GTF3C5: variants seen among roughly 807,000 people sequenced by gnomAD.
GTF3C5 encodes general transcription factor IIIC subunit 5, also known as general transcription factor 3C polypeptide 5.
A neutral mutation model predicts 61.0 loss-of-function variants in GTF3C5; 47 were observed. The observed-to-expected ratio is 0.77, with a 90% CI of 0.61 to 0.98. The LOEUF (loss-of-function observed/expected upper bound fraction) is 0.98. Ranked by LOEUF, GTF3C5 falls within the 50% of genes least tolerant of loss-of-function variation. The pLI is 0.00. For missense variants in GTF3C5, 659 were observed against 703.3 expected (o/e 0.94, Z 0.71); for synonymous variants, 295 against 275.4 (o/e 1.07, Z -0.71).
At position 133,043,290 on chromosome 9, in the gene GTF3C5, G is replaced by A. The variant is rs74720833; in HGVS notation, c.374-438G>A. Among the ~76,000 whole-genome samples, 459 of 152,310 alleles carry A rather than the reference G, an allele frequency of 3.0e-3. 2 individuals are homozygous for A. Among genetic ancestry groups the A allele is most frequent in the African/African-American group, 0.01 (436 of 41,548 alleles). ...TCATATTTTTCATCGAATTGAACCA[G>A]CATCTTGCTGCTCTGTGTGTGTCTC... On this transcript the variant is annotated intron_variant, in intron 2 of 10. Transcript: ENST00000372097.
At position 133,031,019 on chromosome 9, in the gene GTF3C5, C is replaced by T; in HGVS notation, c.8C>T (p.Ala3Val). The part of the protein sequence containing the change: MA[A>V]EAADLGLGAA... ...CCTGCCAGACGCACAGGGATGGCGG[C>T]GGAGGCGGCCGATTTGGGGCTGGGG... is the stretch of plus-strand genomic sequence containing the variant. The change falls in exon 1 of 11, where the codon GCG becomes GTG. Residue 3 changes from alanine to valine, a missense_variant. By Grantham distance (64) the Ala-to-Val change is moderately conservative (BLOSUM62 0). Transcript: ENST00000372097. 2.5e-6 allele frequency: 4 copies of T among 1,611,874 alleles called. No homozygotes were observed. The highest frequency in any genetic ancestry group is 3.4e-6 in the Non-Finnish European group (4 of 1,179,018).
At chr9:133,030,737 C>T, upstream of GTF3C5, 1 of 567,616 alleles carries the variant, frequency 1.8e-6, no homozygotes, top group South Asian at 2.0e-5. Flanking sequence ...CCCTCGCTGG[C>T]TAGTAGGAGA....
chr9:133,030,836 G>T (rs536084010), upstream of GTF3C5: 30 of 733,472 alleles, frequency 4.1e-5, no homozygotes, highest in South Asian at 4.0e-4. Context: ...GAAGACATGG[G>T]CCCTCCCATG....
At chr9:133,054,586 C>G (rs993746134) in intron 7 of GTF3C5, 98 bp downstream of exon 7, 1 of 1,424,296 alleles carries the variant, frequency 7.0e-7, no homozygotes, top group African/African-American at 1.4e-5. Context: ...GGGGTCACTC[C>G]AGGGCTCTGC....
At chr9:133,030,748 G>A (rs554732040), upstream of GTF3C5, 3 of 586,092 alleles carry the variant, frequency 5.1e-6, no homozygotes, top group South Asian at 5.8e-5. Context: ...TAGTAGGAGA[G>A]ACTGGTGCTT....
chr9:133,048,578 A>G (rs901553731), intron 3 of GTF3C5, among the ~76,000 whole-genome samples: 1 of 152,204 alleles, frequency 6.6e-6, no homozygotes, highest in African/African-American at 2.4e-5. Context: ...CTGAGGCAGG[A>G]GAATCGCTTG....
chr9:133,054,588 G>C, intron 7 of GTF3C5, 100 bp downstream of exon 7: 1 of 1,416,062 alleles, frequency 7.1e-7, no homozygotes. Flanking sequence ...GGTCACTCCA[G>C]GGCTCTGCCG....
chr9:133,043,847 C>T lies in GTF3C5; in HGVS notation c.493C>T (p.Pro165Ser). The stretch of plus-strand genomic sequence containing the variant: ...GGAGGCCTTTTTCCACCAGGAGCTG[C>T]CGCTCTACATCCCCCCACCCATCTT... The part of the protein sequence containing the change: ...EKEAFFHQEL[P>S]LYIPPPIFSR... Residue 165 changes from proline to serine, a missense_variant, in exon 3 of 11, where the codon CCG becomes TCG. Physicochemically the swap from Pro to Ser is moderately conservative, Grantham distance 74. Coordinates refer to ENST00000372097, the MANE Select transcript of GTF3C5 (RefSeq NM_012087.4). The T allele has an allele frequency of 6.2e-7, 1 of 1,614,068 alleles. No individual in the cohort carries two copies. Among genetic ancestry groups the T allele is most frequent in the Non-Finnish European group, 8.5e-7 (1 of 1,179,932 alleles).
At chr9:133,050,317 G>T (rs78139296) in intron 3 of GTF3C5, among the ~76,000 whole-genome samples, 1 of 152,250 alleles carries the variant, frequency 6.6e-6, no homozygotes, top group Non-Finnish European at 1.5e-5. Flanking sequence ...AGATGTGAGT[G>T]AGTGCAGCTC....
rs760092609 is a variant in GTF3C5, at chr9:133,042,283, T to A, written c.350T>A (p.Ile117Asn). 1 of 1,608,056 alleles carries A rather than the reference T, an allele frequency of 6.2e-7. No individual in the cohort carries two copies. The highest frequency in any genetic ancestry group is 1.3e-5 in the African/African-American group (1 of 74,806). ...TTTGACATGGAGATCCTTGGCATCA[T>A]CTCCACCATTTACAAATTTCAGGGT... is the stretch of plus-strand genomic sequence containing the variant. ...VTFDMEILGIISTIYKFQGMS... is the reference protein window; with the variant it reads ...VTFDMEILGINSTIYKFQGMS... Residue 117 changes from isoleucine to asparagine, a missense_variant, in exon 2 of 11, where the codon ATC (isoleucine) becomes AAC (asparagine). Coordinates refer to ENST00000372097, the MANE Select transcript of GTF3C5 (RefSeq NM_012087.4).
intron 5 of GTF3C5, among the ~76,000 whole-genome samples, chr9:133,053,172 A>G (rs187014837): frequency 4.6e-5 from 7 of 152,256 alleles, no homozygotes; most frequent in Admixed American, 3.3e-4. Context: ...GCCATTCAAA[A>G]GCTCCGTTTA....
intron 5 of GTF3C5, 138 bp from the exon 6 acceptor site, chr9:133,053,690 A>G (rs1564203676): frequency 5.7e-6 from 3 of 527,930 alleles, no homozygotes; most frequent in Non-Finnish European, 1.0e-5. Context: ...CAGGGCCTGC[A>G]TGTGGCAGAG....
chr9:133,031,016 C>G lies in GTF3C5; in HGVS notation c.5C>G (p.Ala2Gly), dbSNP rs1424924703. ...GGCCCTGCCAGACGCACAGGGATGG[C>G]GGCGGAGGCGGCCGATTTGGGGCTG... MAAEAADLGLGA... is the reference protein window; with the variant it reads MGAEAADLGLGA... Residue 2 changes from alanine (A) to glycine (G), a missense_variant, in exon 1 of 11, where the codon GCG (alanine) becomes GGG (glycine). Coordinates refer to ENST00000372097, the MANE Select transcript of GTF3C5 (RefSeq NM_012087.4). 1.2e-6 allele frequency: 2 copies of G among 1,611,648 alleles called. No individual in the cohort carries two copies. Among genetic ancestry groups the G allele is most frequent in the Non-Finnish European group, 1.7e-6 (2 of 1,178,974 alleles).
chr9:133,038,844 G>A (rs1849956040), intron 1 of GTF3C5, among the ~76,000 whole-genome samples: 1 of 152,146 alleles, frequency 6.6e-6, no homozygotes, highest in African/African-American at 2.4e-5. Context: ...GCCCCACAGG[G>A]TGTGTTGCAC....
chr9:133,042,665 C>G (rs1432926184), intron 2 of GTF3C5, among the ~76,000 whole-genome samples: 1 of 152,216 alleles, frequency 6.6e-6, no homozygotes, highest in Admixed American at 6.5e-5. Flanking sequence ...TTGGTCTTGC[C>G]CTCCTAGCTC....
intron 1 of GTF3C5, among the ~76,000 whole-genome samples, chr9:133,035,315 G>A (rs1420008504): frequency 6.6e-6 from 1 of 152,206 alleles, no homozygotes; most frequent in East Asian, 1.9e-4. Context: ...GCATTTCGGT[G>A]TAATCAATTT....
intron 9 of GTF3C5, 41 bp from the exon 10 acceptor site, chr9:133,056,725 C>A: frequency 6.5e-7 from 1 of 1,541,418 alleles, no homozygotes; most frequent in South Asian, 1.2e-5. Context: ...AGCAGAGACC[C>A]GCCCTGGGAC....
In GTF3C5 at chr9:133,057,905, A is replaced by AGAG. The variant is rs751495920; in HGVS notation, c.1497_1499dup (p.Glu499dup). The AGAG allele has an allele frequency of 3.7e-6, 6 of 1,613,078 alleles. No individual in the cohort carries two copies. The highest frequency in any genetic ancestry group is 1.7e-5 in the Admixed American group (1 of 60,002). On this transcript the variant is annotated inframe_insertion, in exon 11 of 11. Transcript: ENST00000372097. ...ACGAGGAGGATGAGGAGGAGGAGGAAGAGGAGGAGGAGGACTTCAAGCCAT... is the reference window on the plus strand; with the variant it reads ...ACGAGGAGGATGAGGAGGAGGAGGAAGAGGAGGAGGAGGAGGACTTCAAGCCAT...
chr9:133,047,363 C>T lies in GTF3C5; in HGVS notation c.573-3420C>T, dbSNP rs141988964. Among the ~76,000 whole-genome samples, 802 of 152,118 alleles carry T rather than the reference C, an allele frequency of 5.3e-3. 6 individuals carry two copies. Among genetic ancestry groups the T allele is most frequent in the African/African-American group, 0.015 (633 of 41,476 alleles). On this transcript the variant is annotated intron_variant, in intron 3 of 10. Coordinates refer to ENST00000372097, the MANE Select transcript of GTF3C5 (RefSeq NM_012087.4). The stretch of plus-strand genomic sequence containing the variant: ...TTTCTGATTGTAAGAATAAATTGTA[C>T]CTGTTAGAAAAAAACAAAACATTGT...
Sources: gnomAD v4.1 joint callset for allele counts (sites outside exome capture counted in the v4.1 genomes callset) on GRCh38, gnomAD v4.1.1 for gene constraint, MANE v1.5 for transcripts, NCBI Gene and HGNC (gene_info 2026-07-23, HGNC 2026-07-21) for gene names.